The following RBL1 variants were observed in gnomAD, a reference collection of about 807,000 sequenced individuals.
The protein encoded by RBL1 is retinoblastoma-like protein 1.
RBL1 carries 82 observed loss-of-function variants against 123.0 expected under a neutral mutation model. The ratio of observed to expected loss-of-function variants is 0.67; its 90% CI spans 0.56 to 0.80. RBL1 has a LOEUF of 0.80. Ranked by LOEUF, RBL1 falls within the 30% of genes least tolerant of loss-of-function variation. RBL1 has a pLI of 0.00. For synonymous variants in RBL1, 405 were observed against 441.3 expected (o/e 0.92, Z 1.03); for missense variants, 1,171 against 1,299.6 (o/e 0.90, Z 1.52).
chr20:37,069,408 G>C (rs1026029408), intron 2 of RBL1, among the ~76,000 whole-genome samples: 1 of 150,668 alleles, frequency 6.6e-6, no homozygotes, highest in Admixed American at 6.6e-5. Flanking sequence ...CCTCTTCCTC[G>C]CCGCCATCCC....
At chr20:37,032,195 C>T (rs908635778) in intron 16 of RBL1, among the ~76,000 whole-genome samples, 2 of 152,020 alleles carry the variant, frequency 1.3e-5, no homozygotes, top group African/African-American at 4.8e-5. Flanking sequence ...AATATTTTTT[C>T]TTTTGTTCTT....
chr20:37,049,224 A>C, intron 11 of RBL1: 1 of 434,858 alleles, frequency 2.3e-6, no homozygotes. Flanking sequence ...ACAAAAAACA[A>C]AAAAAAATTT....
At chr20:37,062,721 C>T (rs1308343752) in intron 7 of RBL1, among the ~76,000 whole-genome samples, 5 of 150,366 alleles carry the variant, frequency 3.3e-5, no homozygotes, top group Non-Finnish European at 7.4e-5. Context: ...TTTGGGAGGC[C>T]GAGGCGGGCA....
chr20:37,054,028 T>TAC (rs55898438), intron 11 of RBL1, among the ~76,000 whole-genome samples: 83,154 of 146,750 alleles, frequency 0.57, 24,008 homozygotes, highest in Middle Eastern at 0.68. Flanking sequence ...TACAATTTTA[T>TAC]ACACACACAC....
At position 37,067,078 on chromosome 20, in the gene RBL1, A is replaced by G; in HGVS notation, c.600T>C (p.His200=). Residue 200 remains histidine, a synonymous_variant, in exon 5 of 22, where the codon CAT becomes CAC. Transcript: ENST00000373664. The part of the protein sequence containing the change: ...MIGDDLVNSY[H]LLLCCLDLIF... ...TCAGATCCAAGCAGCATAGAAGTAA[A>G]TGATAAGAGTTTACTAAGTCATCCC... The G allele has an allele frequency of 6.2e-7, 1 of 1,609,616 alleles. No homozygotes were observed. The highest frequency in any genetic ancestry group is 1.1e-5 in the South Asian group (1 of 89,428).
At chr20:37,031,555 A>G (rs1428101230) in intron 16 of RBL1, among the ~76,000 whole-genome samples, 1 of 152,188 alleles carries the variant, frequency 6.6e-6, no homozygotes, top group African/African-American at 2.4e-5. Context: ...AGAAAACACG[A>G]AACGTTGGCA....
chr20:37,081,853 A>T (rs972446414), intron 2 of RBL1: 7 of 352,730 alleles, frequency 2.0e-5, no homozygotes, highest in Non-Finnish European at 1.1e-5. Context: ...CTCAAACCAA[A>T]ATTAGGAAGA....
Position 37,012,393 on chromosome 20 carries a change from G to A in RBL1, c.2723-4834C>T, listed in dbSNP as rs376233177. The stretch of plus-strand genomic sequence containing the variant: ...TGGAAAATGAGGAGCATCTCTGCCC[G>A]GCCGCCATCCCATCTAGGAAGTGAG... On this transcript the variant is annotated intron_variant, in intron 19 of 21. Transcript: ENST00000373664. Among the ~76,000 whole-genome samples, 723 of 151,270 alleles carry A rather than the reference G, an allele frequency of 4.8e-3. 19 individuals carry two copies. In the East Asian group the frequency reaches 0.084, roughly 18 times the overall value.
chr20:37,041,792 CA>C (rs1600515459), intron 13 of RBL1, among the ~76,000 whole-genome samples: 1 of 152,082 alleles, frequency 6.6e-6, no homozygotes, highest in East Asian at 1.9e-4. Context: ...AAAATTTTTG[CA>C]TTTCAAAGAC....
intron 18 of RBL1, 32 bp downstream of exon 18, chr20:37,020,627 T>A (rs2064327008): frequency 2.1e-6 from 3 of 1,425,468 alleles, no homozygotes; most frequent in Non-Finnish European, 2.9e-6. Flanking sequence ...GTAAATCTAT[T>A]TTTGGACAGT....
chr20:37,001,091 G>A (rs1350075024), intron 21 of RBL1, among the ~76,000 whole-genome samples: 6 of 147,844 alleles, frequency 4.1e-5, no homozygotes, highest in Admixed American at 1.3e-4. Flanking sequence ...TCAGCCCCCC[G>A]CCTGGCCAGT....
intron 16 of RBL1, among the ~76,000 whole-genome samples, chr20:37,032,333 G>A (rs539299590): frequency 3.9e-5 from 6 of 152,114 alleles, no homozygotes; most frequent in East Asian, 1.9e-4. Flanking sequence ...AACAAATATC[G>A]TATGACTTCA....
At chr20:37,056,853 C>T (rs2065016240) in intron 9 of RBL1, among the ~76,000 whole-genome samples, 1 of 152,130 alleles carries the variant, frequency 6.6e-6, no homozygotes, top group Non-Finnish European at 1.5e-5. Flanking sequence ...TGAGTGGAAT[C>T]ATGCAGTATT....
At position 37,047,059 on chromosome 20, in the gene RBL1, A is replaced by C. The variant is rs1368168503; in HGVS notation, c.1599T>G (p.Phe533Leu). The C allele has an allele frequency of 3.2e-6, 5 of 1,582,560 alleles. No individual in the cohort carries two copies. The Admixed American group carries it at 6.2e-5, about 20-fold the overall frequency. The change falls in exon 12 of 22, where the codon TTT becomes TTG. Residue 533 changes from phenylalanine to leucine, a missense_variant. By Grantham distance (22) the Phe-to-Leu change is conservative. Coordinates refer to ENST00000373664, the MANE Select transcript of RBL1 (RefSeq NM_002895.5). ...IEVLNLQPFY[F>L]YKVIEVVIRS... ...AACTTTGTTTTCATCTCACCTTATA[A>C]AAGTAAAATGGTTGCAAGTTGAGAA...
intron 2 of RBL1, among the ~76,000 whole-genome samples, chr20:37,077,787 GAA>G (rs147186219): frequency 0.014 from 1,604 of 117,918 alleles, 30 homozygotes; most frequent in African/African-American, 0.047. Flanking sequence ...TCTATTTTCT[GAA>G]AAAAAAAAAA....
Position 37,062,157 on chromosome 20 carries a change from G to A in RBL1, c.1010C>T (p.Thr337Ile), listed in dbSNP as rs117877447. Residue 337 changes from threonine to isoleucine, a missense_variant, in exon 8 of 22, where the codon ACT becomes ATT. By Grantham distance (89) the Thr-to-Ile change is moderately conservative. Transcript: ENST00000373664. The part of the protein sequence containing the change: ...EEEIGTPRKF[T>I]RDTPLGKLTA... The stretch of plus-strand genomic sequence containing the variant: ...CAGTTTCCCTAATGGGGTGTCACGA[G>A]TGAACTTTCGAGGTGTTCCAATTTC... The A allele has an allele frequency of 3.4e-4, 554 of 1,614,186 alleles. 2 individuals are homozygous for A. In the East Asian group the frequency reaches 9.7e-3, roughly 28 times the overall value.
In RBL1 at chr20:37,044,216, A is replaced by T; in HGVS notation, c.1640T>A (p.Leu547His). The change falls in exon 13 of 22, where the codon CTC becomes CAC. Residue 547 changes from leucine (L) to histidine (H), a missense_variant. Physicochemically the swap from Leu to His is moderately conservative, Grantham distance 99 (BLOSUM62 -3). Coordinates refer to ENST00000373664, the MANE Select transcript of RBL1 (RefSeq NM_002895.5). ...IEVVIRSEEG[L>H]SRDMVKHLNS... The stretch of plus-strand genomic sequence containing the variant: ...TAGGTGTTTCACCATGTCCCTTGAG[A>T]GCCCCTCTTCTGAGCGGATCACCAC... 6.2e-7 allele frequency: 1 copy of T among 1,613,812 alleles called. No individual in the cohort carries two copies. Among genetic ancestry groups the T allele is most frequent in the Middle Eastern group, 1.7e-4 (1 of 6,058 alleles).
intron 16 of RBL1, among the ~76,000 whole-genome samples, chr20:37,024,001 T>A (rs564540518): frequency 6.6e-6 from 1 of 151,610 alleles, no homozygotes; most frequent in Non-Finnish European, 1.5e-5. Flanking sequence ...CCTAGGGTGG[T>A]CTCGAACTCC....
At chr20:37,046,981 A>G in intron 12 of RBL1, 72 bp downstream of exon 12, 2 of 1,481,472 alleles carry the variant, frequency 1.4e-6, no homozygotes, top group African/African-American at 1.4e-5. Context: ...TTTCTTCAGC[A>G]CTAAGATAAA....
Sources: allele counts gnomAD v4.1 joint callset (sites outside exome capture counted in the v4.1 genomes callset), GRCh38; gene constraint gnomAD v4.1.1; transcripts MANE v1.5; gene names NCBI Gene and HGNC (gene_info 2026-07-23, HGNC 2026-07-21).